IL34: variants seen among roughly 807,000 people sequenced by gnomAD.
The protein encoded by IL34 is interleukin 34.
A neutral mutation model predicts 25.3 loss-of-function variants in IL34; 17 were observed. The observed-to-expected ratio is 0.67, with a 90% CI of 0.46 to 1.01. The LOEUF (loss-of-function observed/expected upper bound fraction) is 1.01, where lower values mean the gene tolerates loss of function less well. Ranked by LOEUF, IL34 falls within the 50% of genes least tolerant of loss-of-function variation. IL34 has a pLI of 0.00. For missense variants in IL34, 368 were observed against 312.9 expected (o/e 1.18, Z -1.33); for synonymous variants, 174 against 140.9 (o/e 1.23, Z -1.66).
intron 1 of IL34, among the ~76,000 whole-genome samples, chr16:70,634,611 C>T (rs558697426): frequency 2.0e-5 from 3 of 150,552 alleles, no homozygotes; most frequent in Admixed American, 6.6e-5. Context: ...ACCCAGGAGG[C>T]GGAGGTTGCA....
chr16:70,612,756 C>T (rs1292717764), intron 1 of IL34, among the ~76,000 whole-genome samples: 1 of 151,894 alleles, frequency 6.6e-6, no homozygotes, highest in East Asian at 1.9e-4. Context: ...GCTTCCCCAC[C>T]CCCATTTCTG....
At chr16:70,590,335 A>G (rs185757000) in intron 1 of IL34, among the ~76,000 whole-genome samples, 2 of 152,330 alleles carry the variant, frequency 1.3e-5, no homozygotes, top group African/African-American at 4.8e-5. Flanking sequence ...ACTCATGATC[A>G]GAGATGTCTG....
chr16:70,636,400 C>T (rs1009449683), intron 1 of IL34, among the ~76,000 whole-genome samples: 2 of 152,118 alleles, frequency 1.3e-5, no homozygotes, highest in African/African-American at 4.8e-5. Context: ...AACTTAACCA[C>T]ATTTATTTAA....
upstream of IL34, among the ~76,000 whole-genome samples, chr16:70,646,009 C>T (rs546715919): frequency 3.9e-5 from 6 of 152,268 alleles, no homozygotes; most frequent in South Asian, 6.2e-4. Flanking sequence ...GCCAAAATCA[C>T]GCCACTGCAC....
intron 2 of IL34, among the ~76,000 whole-genome samples, chr16:70,655,303 A>G (rs2052188758): frequency 6.6e-6 from 1 of 152,032 alleles, no homozygotes. Flanking sequence ...CGCCTGCCTC[A>G]GCCTCCCAAA....
chr16:70,640,405 C>T (rs536518338), intron 1 of IL34, among the ~76,000 whole-genome samples: 1 of 152,148 alleles, frequency 6.6e-6, no homozygotes, highest in Non-Finnish European at 1.5e-5. Flanking sequence ...GGGTGGATCA[C>T]ATGAGGCCAG....
At chr16:70,589,753 G>C (rs1195250280) in intron 1 of IL34, among the ~76,000 whole-genome samples, 1 of 151,752 alleles carries the variant, frequency 6.6e-6, no homozygotes, top group Non-Finnish European at 1.5e-5. Flanking sequence ...CTCCCAAGTA[G>C]CTGGGATTAC....
At chr16:70,620,572 G>T (rs1239522385) in intron 1 of IL34, among the ~76,000 whole-genome samples, 2 of 152,134 alleles carry the variant, frequency 1.3e-5, no homozygotes, top group Non-Finnish European at 2.9e-5. Context: ...GCGACACTTG[G>T]GGTTGGGACT....
chr16:70,642,389 C>G (rs1344341083), upstream of IL34, among the ~76,000 whole-genome samples: 2 of 149,614 alleles, frequency 1.3e-5, no homozygotes, highest in Non-Finnish European at 3.0e-5. Flanking sequence ...ACTTTGCCCT[C>G]TGAGTTCAAG....
At chr16:70,648,710 G>A (rs1184057127) in intron 1 of IL34, among the ~76,000 whole-genome samples, 3 of 152,066 alleles carry the variant, frequency 2.0e-5, no homozygotes, top group South Asian at 2.1e-4. Context: ...GGGGGCTGGT[G>A]CCCAGGGGCT....
intron 1 of IL34, among the ~76,000 whole-genome samples, chr16:70,605,157 GGAGCAAAGGATCCCGA>G (rs1227630368): frequency 3.3e-5 from 5 of 152,132 alleles, no homozygotes; most frequent in Admixed American, 2.0e-4. Context: ...CTGGGTCTGT[GGAGCAAAGGATCCCGA>G]GAGCCTTGAC....
At chr16:70,615,168 A>T (rs1001358708) in intron 1 of IL34, among the ~76,000 whole-genome samples, 1 of 152,148 alleles carries the variant, frequency 6.6e-6, no homozygotes, top group Non-Finnish European at 1.5e-5. Flanking sequence ...CCCTGACAAA[A>T]AGTCCATCGA....
intron 1 of IL34, among the ~76,000 whole-genome samples, chr16:70,635,728 A>G (rs2051627729): frequency 6.6e-6 from 1 of 152,236 alleles, no homozygotes; most frequent in South Asian, 2.1e-4. Flanking sequence ...AGGGGAAATG[A>G]TTCAAATATA....
At chr16:70,651,778 G>A (rs1050618210) in intron 1 of IL34, among the ~76,000 whole-genome samples, 15 of 149,150 alleles carry the variant, frequency 1.0e-4, no homozygotes, top group Non-Finnish European at 2.2e-4. Context: ...AAAAAAAAAA[G>A]AGGATGGTTA....
At chr16:70,657,832 A>G (rs1186842913) in intron 4 of IL34, among the ~76,000 whole-genome samples, 1 of 152,212 alleles carries the variant, frequency 6.6e-6, no homozygotes. Flanking sequence ...TATACATGAC[A>G]TCATGCATTT....
At chr16:70,593,432 A>C (rs1256921943) in intron 1 of IL34, among the ~76,000 whole-genome samples, 1 of 152,128 alleles carries the variant, frequency 6.6e-6, no homozygotes, top group Non-Finnish European at 1.5e-5. Flanking sequence ...TTTAGGTTCA[A>C]GTTTCATTTT....
At chr16:70,618,408 A>G (rs562405848) in intron 1 of IL34, among the ~76,000 whole-genome samples, 1 of 152,304 alleles carries the variant, frequency 6.6e-6, no homozygotes, top group Non-Finnish European at 1.5e-5. Context: ...AGACTCAACA[A>G]AGAGTGAGTA....
intron 1 of IL34, among the ~76,000 whole-genome samples, chr16:70,581,285 C>T (rs1330214847): frequency 6.6e-6 from 1 of 152,142 alleles, no homozygotes; most frequent in Non-Finnish European, 1.5e-5. Context: ...TGGTATTCAC[C>T]AAGTTAACAG....
chr16:70,610,312 T>C lies in IL34; in HGVS notation c.-401+30263T>C, dbSNP rs562717751. On this transcript the variant is annotated intron_variant, in intron 1 of 6. Coordinates refer to the IL34 transcript ENST00000429149. ...AGAAAACTCTTGGTGGATTCTCTCCTTCATCCCCATCCTAGTCTTGTGCCT... is the reference window on the plus strand; with the variant it reads ...AGAAAACTCTTGGTGGATTCTCTCCCTCATCCCCATCCTAGTCTTGTGCCT... Among the ~76,000 whole-genome samples, 4 of 152,284 alleles carry C rather than the reference T, an allele frequency of 2.6e-5. No homozygotes were observed. The South Asian group carries it at 6.2e-4, about 24-fold the overall frequency.
Sources: gnomAD v4.1 joint callset for allele counts (sites outside exome capture counted in the v4.1 genomes callset) on GRCh38, gnomAD v4.1.1 for gene constraint, MANE v1.5 for transcripts, NCBI Gene and HGNC (gene_info 2026-07-23, HGNC 2026-07-21) for gene names.